SMYD3: variants seen among roughly 807,000 people sequenced by gnomAD.
SMYD3 encodes the protein SET and MYND domain containing 3.
SMYD3 carries 36 observed loss-of-function variants against 57.7 expected under a neutral mutation model. The observed-to-expected ratio is 0.62, with a 90% CI of 0.48 to 0.82. SMYD3 has a LOEUF of 0.82. Among genes scored for constraint, SMYD3 ranks in the 40% least tolerant of loss-of-function variants. The pLI is 0.00. For missense variants in SMYD3, 515 were observed against 538.8 expected, an observed-to-expected ratio of 0.96 and a Z score of 0.44; for synonymous variants, 211 against 195.0, an observed-to-expected ratio of 1.08 and a Z score of -0.68.
intron 5 of SMYD3, among the ~76,000 whole-genome samples, chr1:246,191,547 G>A (rs1240784177): frequency 1.3e-5 from 2 of 152,278 alleles, no homozygotes; most frequent in Admixed American, 6.5e-5. Flanking sequence ...TTAGGGGTGT[G>A]TATCCAAACA....
chr1:246,378,114 A>G (rs1457997090), intron 1 of SMYD3, among the ~76,000 whole-genome samples: 1 of 152,204 alleles, frequency 6.6e-6, no homozygotes, highest in African/African-American at 2.4e-5. Flanking sequence ...TAGTGAATTT[A>G]ATCATTTGTT....
intron 5 of SMYD3, among the ~76,000 whole-genome samples, chr1:246,252,811 T>C (rs918607589): frequency 1.3e-5 from 2 of 152,166 alleles, no homozygotes; most frequent in African/African-American, 2.4e-5. Flanking sequence ...ATAATCACAT[T>C]TAAGTATTCA....
At chr1:246,253,619 G>T (rs748902322) in intron 5 of SMYD3, among the ~76,000 whole-genome samples, 1 of 152,096 alleles carries the variant, frequency 6.6e-6, no homozygotes, top group Non-Finnish European at 1.5e-5. Context: ...ACTTGTTTGC[G>T]TCATTTCTGA....
At chr1:246,115,358 G>A (rs768346650) in intron 5 of SMYD3, among the ~76,000 whole-genome samples, 1 of 152,106 alleles carries the variant, frequency 6.6e-6, no homozygotes, top group Non-Finnish European at 1.5e-5. Flanking sequence ...GACCCAAAGA[G>A]CCTTGCCTCA....
intron 5 of SMYD3, among the ~76,000 whole-genome samples, chr1:246,241,553 CT>C (rs1282212685): frequency 1.3e-5 from 2 of 151,952 alleles, no homozygotes; most frequent in Admixed American, 6.6e-5. Flanking sequence ...CTAAAATTAT[CT>C]TTTTTTTGTT....
In SMYD3 at chr1:246,481,607, T is replaced by TATATATATATATATATATATATATAC. The variant is rs1156393004; in HGVS notation, c.164+25446_164+25447insGTATATATATATATATATATATATAT. ...TTCTCAGGCTCCATATATATATATA[T>TATATATATATATATATATATATATAC]ACACATACATATATACATACATACA... On this transcript the variant is annotated intron_variant, in intron 1 of 11. Transcript: ENST00000490107. Among the ~76,000 whole-genome samples the TATATATATATATATATATATATATAC allele has an allele frequency of 7.1e-3, 436 of 61,724 alleles. 59 individuals are homozygous for TATATATATATATATATATATATATAC. Among genetic ancestry groups the TATATATATATATATATATATATATAC allele is most frequent in the Non-Finnish European group, 9.5e-3 (283 of 29,892 alleles). 40.5% of individuals were successfully genotyped at this position (61,724 alleles called of 152,430 possible).
intron 10 of SMYD3, among the ~76,000 whole-genome samples, chr1:245,856,302 C>T (rs190523867): frequency 3.9e-5 from 6 of 152,296 alleles, no homozygotes; most frequent in East Asian, 3.9e-4. Flanking sequence ...GCAAATGATT[C>T]GTACCTCACT....
At chr1:245,800,362 G>A (rs1435216377) in intron 10 of SMYD3, among the ~76,000 whole-genome samples, 1 of 151,716 alleles carries the variant, frequency 6.6e-6, no homozygotes. Context: ...CTATATTTTG[G>A]TAATGATGTC....
chr1:245,833,073 A>AAAAACAAAAAAAAAAAAAAAAACACAAC, intron 10 of SMYD3, among the ~76,000 whole-genome samples: 2 of 128,652 alleles, frequency 1.6e-5, no homozygotes, highest in Non-Finnish European at 1.6e-5. Flanking sequence ...AAAAAAAAAA[A>AAAAACAAAAAAAAAAAAAAAAACACAAC]AACCTGCTTT....
chr1:246,405,922 A>C (rs1487196676), intron 1 of SMYD3, among the ~76,000 whole-genome samples: 1 of 148,918 alleles, frequency 6.7e-6, no homozygotes, highest in African/African-American at 2.4e-5. Flanking sequence ...AAAAAAAAAA[A>C]AAAGAAAGAA....
chr1:246,168,372 T>C (rs1410982924), intron 5 of SMYD3, among the ~76,000 whole-genome samples: 3 of 152,226 alleles, frequency 2.0e-5, no homozygotes, highest in Non-Finnish European at 4.4e-5. Context: ...CACAGGTTTT[T>C]TGCCTCCATG....
chr1:245,830,834 C>T (rs1341159932), intron 10 of SMYD3, among the ~76,000 whole-genome samples: 1 of 152,152 alleles, frequency 6.6e-6, no homozygotes, highest in Admixed American at 6.5e-5. Flanking sequence ...ACAGGTATTT[C>T]TTTCTTCTTC....
At chr1:245,979,173 A>G (rs2058533054) in intron 5 of SMYD3, among the ~76,000 whole-genome samples, 1 of 151,822 alleles carries the variant, frequency 6.6e-6, no homozygotes, top group Non-Finnish European at 1.5e-5. Flanking sequence ...TTGAAGAAAG[A>G]AGGAGTCAAC....
At chr1:245,986,013 T>C (rs1046337833) in intron 5 of SMYD3, among the ~76,000 whole-genome samples, 1 of 152,162 alleles carries the variant, frequency 6.6e-6, no homozygotes, top group African/African-American at 2.4e-5. Flanking sequence ...AAAGTACTTT[T>C]ATACAACATA....
chr1:246,423,694 A>C (rs187908320), intron 1 of SMYD3, among the ~76,000 whole-genome samples: 1 of 152,322 alleles, frequency 6.6e-6, no homozygotes, highest in African/African-American at 2.4e-5. Context: ...AGCCTGCACT[A>C]TAAGAAATCC....
intron 8 of SMYD3, among the ~76,000 whole-genome samples, chr1:245,873,483 T>C (rs1462610622): frequency 1.3e-5 from 2 of 152,200 alleles, no homozygotes; most frequent in East Asian, 3.8e-4. Flanking sequence ...AAAATTGTTC[T>C]CCTGACAATA....
intron 10 of SMYD3, among the ~76,000 whole-genome samples, chr1:245,842,962 T>A (rs2050478753): frequency 6.6e-6 from 1 of 152,244 alleles, no homozygotes; most frequent in Non-Finnish European, 1.5e-5. Context: ...CCTCCCACTT[T>A]GGCCTCCCAA....
chr1:246,489,950 C>A (rs1317399177), intron 1 of SMYD3, among the ~76,000 whole-genome samples: 2 of 151,950 alleles, frequency 1.3e-5, no homozygotes, highest in East Asian at 3.9e-4. Flanking sequence ...GCCTCAGCCT[C>A]CCAACTACCT....
chr1:246,479,532 G>A (rs2068076012), intron 1 of SMYD3, among the ~76,000 whole-genome samples: 1 of 108,842 alleles, frequency 9.2e-6, no homozygotes, highest in African/African-American at 3.2e-5. Context: ...TTTTGAGACA[G>A]GGTCTTGCTC....
Sources: allele counts gnomAD v4.1 joint callset (sites outside exome capture counted in the v4.1 genomes callset), GRCh38; gene constraint gnomAD v4.1.1; transcripts MANE v1.5; gene names NCBI Gene and HGNC (gene_info 2026-07-23, HGNC 2026-07-21).